RELN: variants seen among roughly 807,000 people sequenced by gnomAD.
The protein encoded by RELN is reelin.
Under a neutral mutation model 427.6 loss-of-function variants are expected in RELN, and 108 were observed. The observed-to-expected ratio is 0.25, with a 90% confidence interval of 0.22 to 0.30. The LOEUF is 0.30. RELN is among the 10% of genes least tolerant of loss of function. The pLI is 1.00. For missense variants in RELN, 3,715 were observed against 4,302.8 expected, an observed-to-expected ratio of 0.86 and a Z score of 3.82; for synonymous variants, 1,524 against 1,513.4, an observed-to-expected ratio of 1.01 and a Z score of -0.16.
At chr7:103,701,997 A>G (rs1351509908) in intron 8 of RELN, among the ~76,000 whole-genome samples, 8 of 152,244 alleles carry the variant, frequency 5.3e-5, no homozygotes, top group African/African-American at 1.7e-4. Context: ...AAAACCAGTT[A>G]GTTTGTAATT....
chr7:103,902,978 G>A (rs775887404), intron 2 of RELN, among the ~76,000 whole-genome samples: 21 of 152,052 alleles, frequency 1.4e-4, no homozygotes, highest in Non-Finnish European at 2.6e-4. Context: ...GGATTTAACT[G>A]CCAGGAAAAG....
At chr7:103,489,614 T>C in intron 60 of RELN, 128 bp downstream of exon 60, 1 of 1,036,154 alleles carries the variant, frequency 9.7e-7, no homozygotes, top group Non-Finnish European at 1.5e-6. Flanking sequence ...GACCAAGGAG[T>C]GTGTCATGAA....
intron 53 of RELN, among the ~76,000 whole-genome samples, chr7:103,500,122 T>C (rs1312883654): frequency 1.3e-5 from 2 of 152,232 alleles, no homozygotes; most frequent in Non-Finnish European, 1.5e-5. Context: ...GTTATTGTAA[T>C]GACAAATGCA....
At chr7:103,495,469 C>T (rs1044136691) in intron 57 of RELN, among the ~76,000 whole-genome samples, 55 of 152,236 alleles carry the variant, frequency 3.6e-4, no homozygotes, top group African/African-American at 1.3e-3. Flanking sequence ...CTGCACCCGG[C>T]CTGCAATTAC....
At chr7:103,634,151 AG>A (rs1308362035) in intron 19 of RELN, among the ~76,000 whole-genome samples, 1 of 152,192 alleles carries the variant, frequency 6.6e-6, no homozygotes, top group African/African-American at 2.4e-5. Context: ...ATATATCCTC[AG>A]TCCCCTCTCT....
chr7:103,844,895 A>T (rs1210934878), intron 2 of RELN, among the ~76,000 whole-genome samples: 1 of 152,212 alleles, frequency 6.6e-6, no homozygotes, highest in African/African-American at 2.4e-5. Flanking sequence ...GTGTCCATTT[A>T]AATAGGTAAA....
At chr7:103,677,765 CAAA>C (rs60678229) in intron 11 of RELN, among the ~76,000 whole-genome samples, 7 of 56,042 alleles carry the variant, frequency 1.2e-4, no homozygotes, top group Admixed American at 5.1e-4. Flanking sequence ...GAATCTGTCT[CAAA>C]AAAAAAAAAA....
rs147587185 is a variant in RELN, at chr7:103,940,059, C to T, written c.227-22874G>A. On this transcript the variant is annotated intron_variant, in intron 1 of 64. Coordinates refer to ENST00000428762, the MANE Select transcript of RELN (RefSeq NM_005045.4). ...CCATGATATACATTAAGAAGCCATTCGTTAATGGTTGATGTTTTATACATA... is the reference window on the plus strand; with the variant it reads ...CCATGATATACATTAAGAAGCCATTTGTTAATGGTTGATGTTTTATACATA... Among the ~76,000 whole-genome samples the T allele has an allele frequency of 3.6e-3, 543 of 152,166 alleles. 5 individuals carry two copies. The highest frequency in any genetic ancestry group is 0.012 in the African/African-American group (498 of 41,520).
In RELN at chr7:103,989,615, T is replaced by C. The variant is rs1797185729; in HGVS notation, c.-259A>G. 3.2e-6 allele frequency: 1 copy of C among 313,330 alleles called. No homozygotes were observed. Among genetic ancestry groups the C allele is most frequent in the Non-Finnish European group, 5.6e-6 (1 of 178,852 alleles). The allele number at this position is 313,330 out of a possible 1,614,324, so 19.4% of individuals were successfully genotyped here. A position where few individuals can be genotyped will look rare whatever the true frequency, so the allele number is the denominator to read the frequency against. On this transcript the variant is annotated 5_prime_UTR_variant, in exon 1 of 65. Transcript: ENST00000428762. This position sits in a 1 kb window ranked among gnomAD's most constrained non-coding sequence, Gnocchi z 4.9. The stretch of plus-strand genomic sequence containing the variant: ...GAGAGCGCGTCGTCTGCCGCCTCCG[T>C]GCGCCGCCGCCGCCTCTGCGCGACG...
At chr7:103,986,591 T>C (rs753811467) in intron 1 of RELN, among the ~76,000 whole-genome samples, 7 of 147,288 alleles carry the variant, frequency 4.8e-5, no homozygotes, top group African/African-American at 1.0e-4. Flanking sequence ...TTAGGTGCTA[T>C]TGTGCACACC....
chr7:103,745,433 A>G (rs1233844005), intron 6 of RELN, among the ~76,000 whole-genome samples: 1 of 149,574 alleles, frequency 6.7e-6, no homozygotes, highest in Admixed American at 6.6e-5. Context: ...AGGCAGGAGA[A>G]GGAAATAAAG....
At chr7:103,870,031 T>A (rs1439965313) in intron 2 of RELN, among the ~76,000 whole-genome samples, 6 of 152,138 alleles carry the variant, frequency 3.9e-5, no homozygotes, top group Non-Finnish European at 2.9e-5. Context: ...GATCATCCAA[T>A]GAACCCTTCA....
intron 51 of RELN, among the ~76,000 whole-genome samples, chr7:103,503,756 G>A (rs1247481980): frequency 6.6e-6 from 1 of 152,084 alleles, no homozygotes; most frequent in Non-Finnish European, 1.5e-5. Flanking sequence ...TAATACAGTG[G>A]GATTTAGGTA....
intron 8 of RELN, among the ~76,000 whole-genome samples, chr7:103,703,234 C>A (rs1159940541): frequency 6.6e-6 from 1 of 152,120 alleles, no homozygotes; most frequent in East Asian, 1.9e-4. Context: ...ACCAGATTAC[C>A]CTTCCAAACA....
In RELN at chr7:103,563,282, T is replaced by G. The variant is rs563126359; in HGVS notation, c.5211-1329A>C. On this transcript the variant is annotated intron_variant, in intron 34 of 64. Transcript: ENST00000428762. This position sits in a 1 kb window ranked among gnomAD's most constrained non-coding sequence, Gnocchi z 4.1. ...ATTTATGACAATGGTCTCATAAGATTATAATGGATCTGAAAAAAAATTCCT... is the reference window on the plus strand; with the variant it reads ...ATTTATGACAATGGTCTCATAAGATGATAATGGATCTGAAAAAAAATTCCT... Among the ~76,000 whole-genome samples the G allele has an allele frequency of 7.1e-4, 108 of 152,350 alleles. No homozygotes were observed. Among genetic ancestry groups the G allele is most frequent in the Middle Eastern group, 3.4e-3 (1 of 294 alleles).
intron 2 of RELN, among the ~76,000 whole-genome samples, chr7:103,887,686 C>T (rs1424663091): frequency 1.3e-5 from 2 of 151,912 alleles, no homozygotes; most frequent in Non-Finnish European, 2.9e-5. Context: ...TCAACACAGT[C>T]TAGAAAAGAA....
intron 27 of RELN, among the ~76,000 whole-genome samples, chr7:103,590,179 A>G (rs971711793): frequency 6.6e-6 from 1 of 152,184 alleles, no homozygotes; most frequent in Admixed American, 6.5e-5. Context: ...AGGAAACCAT[A>G]AGATGGAGAA....
intron 63 of RELN, among the ~76,000 whole-genome samples, chr7:103,482,442 A>T (rs954505074): frequency 6.6e-6 from 1 of 152,184 alleles, no homozygotes; most frequent in Non-Finnish European, 1.5e-5. Flanking sequence ...TCTAGTTGCA[A>T]CCACATCATT....
intron 41 of RELN, among the ~76,000 whole-genome samples, chr7:103,548,220 T>C (rs746886913): frequency 1.1e-4 from 17 of 152,362 alleles, no homozygotes; most frequent in Non-Finnish European, 1.9e-4. Context: ...GGACTATATA[T>C]GTAGAAGGAA....
Sources: allele counts gnomAD v4.1 joint callset (sites outside exome capture counted in the v4.1 genomes callset), GRCh38; gene constraint gnomAD v4.1.1; non-coding constraint Gnocchi (gnomAD v3.1); transcripts MANE v1.5; gene names NCBI Gene and HGNC (gene_info 2026-07-23, HGNC 2026-07-21).